GPI: variants seen among roughly 807,000 people sequenced by gnomAD.
GPI encodes the protein D-hexose-6-phosphate anomerase.
Under a neutral mutation model 75.8 loss-of-function variants are expected in GPI, and 56 were observed. The ratio of observed to expected loss-of-function variants is 0.74; its 90% CI spans 0.60 to 0.92. The LOEUF is 0.92. Among genes scored for constraint, GPI ranks in the 40% least tolerant of loss-of-function variants. The pLI is 0.00. For missense variants in GPI, 638 were observed against 741.0 expected (o/e 0.86, Z 1.61); for synonymous variants, 288 against 285.4 (o/e 1.01, Z -0.09).
chr19:34,365,984 G>A (rs962959167), intron 1 of GPI: 2 of 529,528 alleles, frequency 3.8e-6, no homozygotes, highest in Non-Finnish European at 7.3e-6. Context: ...GGAGGGGAGC[G>A]ACTGTGGCTC....
intron 9 of GPI, among the ~76,000 whole-genome samples, chr19:34,385,298 G>A (rs2074716812): frequency 6.6e-6 from 1 of 150,810 alleles, no homozygotes; most frequent in Admixed American, 6.6e-5. Context: ...GCAGTGAGCC[G>A]AGATCATGCC....
intron 6 of GPI, among the ~76,000 whole-genome samples, chr19:34,378,214 G>A (rs921140349): frequency 1.5e-4 from 23 of 152,166 alleles, no homozygotes; most frequent in Admixed American, 1.3e-3. Flanking sequence ...TTGTTTTTGA[G>A]ACAGAGTCTG....
chr19:34,376,602 T>C lies in GPI; in HGVS notation c.403-901T>C, dbSNP rs369021417. 5.2e-4 allele frequency among the ~76,000 whole-genome samples: 79 copies of C among 151,822 alleles called. No homozygotes were observed. The East Asian group carries it at 7.0e-3, about 13-fold the overall frequency. On this transcript the variant is annotated intron_variant, in intron 4 of 17. Coordinates refer to ENST00000356487, the MANE Select transcript of GPI (RefSeq NM_000175.5). Reference sequence around the variant, plus strand: ...AAAAGGCTAAAGCAGAGCATTTTGTTCTGTTTTTGGAGTCAGGGTCTTCCT... The same window carrying C: ...AAAAGGCTAAAGCAGAGCATTTTGTCCTGTTTTTGGAGTCAGGGTCTTCCT...
intron 14 of GPI, among the ~76,000 whole-genome samples, 178 bp downstream of exon 14, chr19:34,396,835 G>A (rs911802419): frequency 2.0e-5 from 3 of 152,108 alleles, no homozygotes; most frequent in African/African-American, 7.2e-5. Context: ...AGGGGGGACA[G>A]AGTCTTGCTC....
chr19:34,394,643 C>T (rs2074918833), intron 12 of GPI, among the ~76,000 whole-genome samples: 2 of 151,970 alleles, frequency 1.3e-5, no homozygotes, highest in African/African-American at 2.4e-5. Context: ...TTGGGATCTC[C>T]AGAGCCCCCC....
At chr19:34,383,707 G>A (rs1287371716) in intron 9 of GPI, among the ~76,000 whole-genome samples, 1 of 152,188 alleles carries the variant, frequency 6.6e-6, no homozygotes. Flanking sequence ...CAGGGGAGCT[G>A]GGGCAGGTGA....
At chr19:34,397,531 C>G (rs1246611656) in intron 14 of GPI, 1 of 152,072 alleles carries the variant, frequency 6.6e-6, no homozygotes, top group Non-Finnish European at 1.5e-5. Flanking sequence ...CTAGGCTGGA[C>G]TTACAGTGGC....
chr19:34,385,508 G>A (rs952475049), intron 9 of GPI, among the ~76,000 whole-genome samples: 5 of 152,026 alleles, frequency 3.3e-5, no homozygotes, highest in East Asian at 1.9e-4. Flanking sequence ...GTACATCTTC[G>A]GGTCTATCAG....
In GPI at chr19:34,365,681, A is replaced by AT. The variant is rs1286026863; in HGVS notation, c.122+296dup. On this transcript the variant is annotated intron_variant, in intron 1 of 17. Coordinates refer to ENST00000356487, the MANE Select transcript of GPI (RefSeq NM_000175.5). ...TCCTCCTCCCCGTGCAGCTCTGGCC[A>AT]TTTGAGCAGGGGCTCCTTTCGCAGT... 13 of 585,550 alleles carry AT rather than the reference A, an allele frequency of 2.2e-5. No homozygotes were observed. The East Asian group carries it at 5.0e-4, about 22-fold the overall frequency. 36.3% of individuals were successfully genotyped at this position (585,550 alleles called of 1,614,324 possible).
rs747882262 is a variant in GPI, at chr19:34,366,375, C to T, written c.153C>T (p.Ile51=). ...SLTLNTNHGH[I]LVDYSKNLVT... ...CCCTCAACACCAACCATGGGCATATCCTGGTGGATTACTCCAAGAACCTGG... is the reference window on the plus strand; with the variant it reads ...CCCTCAACACCAACCATGGGCATATTCTGGTGGATTACTCCAAGAACCTGG... The change falls in exon 2 of 18, where the codon ATC becomes ATT. Residue 51 remains isoleucine (I), a synonymous_variant. Transcript: ENST00000356487. The T allele has an allele frequency of 9.3e-6, 15 of 1,612,996 alleles. No homozygotes were observed. In the African/African-American group the frequency reaches 1.7e-4, roughly 19 times the overall value.
At chr19:34,365,415 G>C in intron 1 of GPI, 27 bp downstream of exon 1, 1 of 1,545,404 alleles carries the variant, frequency 6.5e-7, no homozygotes, top group Non-Finnish European at 8.7e-7. Context: ...GGCGGGGGCT[G>C]CCACGCGCGG....
In GPI at chr19:34,377,301, CAAAAAAAAAAAAAA is replaced by C. The variant is rs1169701523; in HGVS notation, c.403-179_403-166del. ...TGGGCAACAGAGCAAGGCTTCATCTCAAAAAAAAAAAAAAAAAAAAAAAAAAAAAAAAAAAATAT... is the reference window on the plus strand; with the variant it reads ...TGGGCAACAGAGCAAGGCTTCATCTCAAAAAAAAAAAAAAAAAAAAAATAT... On this transcript the variant is annotated intron_variant, in intron 4 of 17. Coordinates refer to ENST00000356487, the MANE Select transcript of GPI (RefSeq NM_000175.5). Among the ~76,000 whole-genome samples the C allele has an allele frequency of 8.4e-4, 13 of 15,464 alleles. No individual in the cohort carries two copies. The East Asian group carries it at 0.019, about 23-fold the overall frequency. The allele number at this position is 15,464 out of a possible 152,430, so 10.1% of individuals were successfully genotyped here.
chr19:34,393,828 C>T lies in GPI; in HGVS notation c.909+57C>T, dbSNP rs1299359886. The T allele has an allele frequency of 6.2e-7, 1 of 1,606,360 alleles. No individual in the cohort carries two copies. The highest frequency in any genetic ancestry group is 8.5e-7 in the Non-Finnish European group (1 of 1,174,328). On this transcript the variant is annotated intron_variant, in intron 11 of 17. Transcript: ENST00000356487. The surrounding 1 kb of genome is among the most constrained non-coding windows in gnomAD (Gnocchi z 4.4). Reference sequence around the variant, plus strand: ...CTGGCCAGAGGCGCGTGTGTTGGTCCTGGTCCCCCGCTTTCTCCCCCACTG... The same window carrying T: ...CTGGCCAGAGGCGCGTGTGTTGGTCTTGGTCCCCCGCTTTCTCCCCCACTG...
chr19:34,366,745 T>C (rs1185025680), intron 2 of GPI, 38 bp from the exon 3 acceptor site: 2 of 1,480,568 alleles, frequency 1.4e-6, no homozygotes, highest in Non-Finnish European at 1.9e-6. Context: ...GGGTGGCCAG[T>C]GTGGGTGGGA....
intron 9 of GPI, among the ~76,000 whole-genome samples, chr19:34,391,890 G>A (rs1599847878): frequency 3.7e-3 from 3 of 806 alleles, no homozygotes; most frequent in Non-Finnish European, 6.8e-3. Context: ...GTCAATGTCT[G>A]AGGAGGCAGT....
At chr19:34,370,470 G>C (rs1321472367) in intron 4 of GPI, among the ~76,000 whole-genome samples, 4 of 152,196 alleles carry the variant, frequency 2.6e-5, no homozygotes, top group African/African-American at 4.8e-5. Flanking sequence ...TGTAATCCCA[G>C]CACTCTGGGA....
At chr19:34,376,563 C>CAAA (rs35716159) in intron 4 of GPI, among the ~76,000 whole-genome samples, 1 of 88,090 alleles carries the variant, frequency 1.1e-5, no homozygotes, top group African/African-American at 3.9e-5. Context: ...GACCCTGTCT[C>CAAA]AAAAAAAAAA....
Position 34,401,427 on chromosome 19 carries a change from T to C in GPI, c.*1391T>C, listed in dbSNP as rs1568353878. 6.6e-6 allele frequency: 1 copy of C among 152,042 alleles called. No homozygotes were observed. Among genetic ancestry groups the C allele is most frequent in the Non-Finnish European group, 1.5e-5 (1 of 68,064 alleles). 9.4% of individuals were successfully genotyped at this position (152,042 alleles called of 1,614,324 possible). ...TAGCAGAGACAGTGTCTCACTGTGT[T>C]AGTCAGGATGGTCTCGATCTCCTGA... On this transcript the variant is annotated 3_prime_UTR_variant, in exon 18 of 18. Transcript: ENST00000356487.
At chr19:34,396,798 A>G in intron 14 of GPI, 141 bp downstream of exon 14, 1 of 732,094 alleles carries the variant, frequency 1.4e-6, no homozygotes, top group East Asian at 2.7e-5. Context: ...GAGGCTTAAA[A>G]CAACACTCTT....
Sources: allele counts gnomAD v4.1 joint callset (sites outside exome capture counted in the v4.1 genomes callset), GRCh38; gene constraint gnomAD v4.1.1; non-coding constraint Gnocchi (gnomAD v3.1); transcripts MANE v1.5; gene names NCBI Gene and HGNC (gene_info 2026-07-23, HGNC 2026-07-21).